Variants in FARP1 observed in about 807,000 individuals in gnomAD.
The protein encoded by FARP1 is FERM, ARHGEF and pleckstrin domain-containing protein 1.
In FARP1, 52 loss-of-function variants were observed where a neutral mutation model predicts 128.8. The observed-to-expected ratio is 0.40, with a 90% confidence interval of 0.32 to 0.51. The LOEUF (loss-of-function observed/expected upper bound fraction) is 0.51. Among genes scored for constraint, FARP1 ranks in the 20% least tolerant of loss-of-function variants. FARP1 has a pLI of 0.45. For missense variants in FARP1, 1,333 were observed against 1,367.9 expected (o/e 0.97, Z 0.40); for synonymous variants, 580 against 551.8 (o/e 1.05, Z -0.72).
At chr13:98,211,531 C>A (rs766710267) in intron 1 of FARP1, among the ~76,000 whole-genome samples, 1 of 152,222 alleles carries the variant, frequency 6.6e-6, no homozygotes, top group Non-Finnish European at 1.5e-5. Flanking sequence ...GACTTCAAAT[C>A]ATTTCTAAAA....
At chr13:98,259,917 G>GTGTGTA (rs1444418332) in intron 2 of FARP1, among the ~76,000 whole-genome samples, 1 of 151,092 alleles carries the variant, frequency 6.6e-6, no homozygotes, top group African/African-American at 2.5e-5. Context: ...GTGTGTGTGT[G>GTGTGTA]TGTATTGAGA....
rs748217498 is a variant in FARP1 at position 98,431,240 on chromosome 13, A to C, written c.2103A>C (p.Lys701Asn). Reference sequence around the variant, plus strand: ...AGCAGGTCCTGGAGCGGCTGTGCAAACACCACCCGCCGAGCCACGCCGACT... The same window carrying C: ...AGCAGGTCCTGGAGCGGCTGTGCAACCACCACCCGCCGAGCCACGCCGACT... Reference protein sequence around the residue: ...HYKQVLERLCKHHPPSHADFR... With the variant: ...HYKQVLERLCNHHPPSHADFR... The change falls in exon 18 of 27, where the codon AAA (lysine) becomes AAC (asparagine). Residue 701 changes from lysine (K) to asparagine (N), a missense_variant. Lys to Asn is a moderately conservative substitution (Grantham distance 94). Around this residue, in one of 2 missense-constraint regions of FARP1, gnomAD observed 1,009 missense variants for 969.8 expected, o/e 1.04. Transcript: ENST00000319562. The C allele has an allele frequency of 4.5e-6, 7 of 1,569,348 alleles. No individual in the cohort carries two copies. The South Asian group carries it at 8.1e-5, about 18-fold the overall frequency.
chr13:98,295,632 A>G (rs1211999825), intron 2 of FARP1, among the ~76,000 whole-genome samples: 2 of 152,200 alleles, frequency 1.3e-5, no homozygotes, highest in Non-Finnish European at 2.9e-5. Context: ...TGTTCCATAA[A>G]GCATCACCAT....
chr13:98,420,220 C>T (rs1399517310), intron 16 of FARP1, among the ~76,000 whole-genome samples: 1 of 152,142 alleles, frequency 6.6e-6, no homozygotes, highest in African/African-American at 2.4e-5. Context: ...ATTGATTTAT[C>T]CTGGCTGGCT....
intron 2 of FARP1, among the ~76,000 whole-genome samples, chr13:98,284,469 C>T (rs1215781166): frequency 1.3e-5 from 2 of 152,114 alleles, no homozygotes; most frequent in African/African-American, 2.4e-5. Context: ...TCCCCCAACC[C>T]GAGAGCTAGA....
Position 98,431,023 on chromosome 13 carries a change from C to T in FARP1, c.1906-20C>T. Reference sequence around the variant, plus strand: ...TCCCATTCAGCTGAACAGGACCCTCCTCCTCTGTTGCCTCCCAAGCACCTG... The same window carrying T: ...TCCCATTCAGCTGAACAGGACCCTCTTCCTCTGTTGCCTCCCAAGCACCTG... On this transcript the variant is annotated intron_variant, in intron 17 of 26. Transcript: ENST00000319562. 1.3e-6 allele frequency: 2 copies of T among 1,568,800 alleles called. No individual in the cohort carries two copies. The highest frequency in any genetic ancestry group is 1.8e-6 in the Non-Finnish European group (2 of 1,141,570).
chr13:98,295,454 G>A (rs1885645971), intron 2 of FARP1, among the ~76,000 whole-genome samples: 1 of 152,146 alleles, frequency 6.6e-6, no homozygotes, highest in African/African-American at 2.4e-5. Context: ...ATTTAAGGAA[G>A]CTCGCTGGGT....
chr13:98,231,302 T>TAA (rs150635401), intron 2 of FARP1, among the ~76,000 whole-genome samples: 6,089 of 149,152 alleles, frequency 0.041, 383 homozygotes, highest in African/African-American at 0.14. Flanking sequence ...ACAGAGGATG[T>TAA]AAAAAAAAAA....
intron 2 of FARP1, among the ~76,000 whole-genome samples, chr13:98,314,274 C>CTTTTT (rs140938723): frequency 6.0e-4 from 36 of 59,986 alleles, no homozygotes; most frequent in South Asian, 9.0e-4. Flanking sequence ...TATTTTATGT[C>CTTTTT]TTTTTTTTTT....
intron 2 of FARP1, among the ~76,000 whole-genome samples, chr13:98,232,646 T>A (rs1882197803): frequency 6.6e-6 from 1 of 152,242 alleles, no homozygotes; most frequent in South Asian, 2.1e-4. Flanking sequence ...GCACACTTAC[T>A]AGACTACAGT....
intron 2 of FARP1, among the ~76,000 whole-genome samples, chr13:98,326,421 A>G (rs1887234751): frequency 6.6e-6 from 1 of 152,192 alleles, no homozygotes; most frequent in Non-Finnish European, 1.5e-5. Context: ...GAACTTTTTC[A>G]TCCTGCAATC....
In FARP1 at chr13:98,227,215, A is replaced by T. The variant is rs1448206232; in HGVS notation, c.171+13802A>T. Among the ~76,000 whole-genome samples, 7 of 152,090 alleles carry T rather than the reference A, an allele frequency of 4.6e-5. No individual in the cohort carries two copies. In the East Asian group the frequency reaches 9.7e-4, roughly 21 times the overall value. On this transcript the variant is annotated intron_variant, in intron 2 of 26. Coordinates refer to ENST00000319562, the MANE Select transcript of FARP1 (RefSeq NM_005766.4). ...CCTTGGCCTCCCAAAGTGCTGGGAT[A>T]GCAGGCGTGAGCCACCGCGCCCTGG...
intron 2 of FARP1, among the ~76,000 whole-genome samples, chr13:98,314,925 A>T (rs1322201256): frequency 2.0e-5 from 3 of 152,160 alleles, no homozygotes; most frequent in African/African-American, 7.2e-5. Context: ...TGAAGATAGC[A>T]GATGGTTCAA....
intron 2 of FARP1, among the ~76,000 whole-genome samples, chr13:98,265,571 G>A (rs1233295103): frequency 3.3e-5 from 5 of 151,506 alleles, no homozygotes; most frequent in East Asian, 1.9e-4. Context: ...CGCCCGCCTT[G>A]GCCTCCCAAA....
chr13:98,290,054 C>T (rs1160210257), intron 2 of FARP1, among the ~76,000 whole-genome samples: 10 of 136,254 alleles, frequency 7.3e-5, no homozygotes, highest in Admixed American at 7.4e-5. Flanking sequence ...GGAGATTTAT[C>T]TTTTTTTTTT....
chr13:98,201,512 A>T (rs1465241761), intron 1 of FARP1, among the ~76,000 whole-genome samples: 1 of 152,204 alleles, frequency 6.6e-6, no homozygotes, highest in Non-Finnish European at 1.5e-5. Flanking sequence ...AGCAGAGTTC[A>T]GCTGGATTAG....
At chr13:98,169,617 T>G (rs1877511227) in intron 1 of FARP1, among the ~76,000 whole-genome samples, 1 of 152,172 alleles carries the variant, frequency 6.6e-6, no homozygotes, top group African/African-American at 2.4e-5. Context: ...CCTTGATAAT[T>G]TTACTACATA....
intron 16 of FARP1, among the ~76,000 whole-genome samples, chr13:98,421,346 C>T (rs1891585873): frequency 6.6e-6 from 1 of 152,214 alleles, no homozygotes; most frequent in Admixed American, 6.5e-5. Flanking sequence ...CCAGCGTCCT[C>T]TTCCCAGCCC....
intron 1 of FARP1, among the ~76,000 whole-genome samples, chr13:98,155,628 T>G (rs1345254543): frequency 6.6e-6 from 1 of 152,106 alleles, no homozygotes; most frequent in African/African-American, 2.4e-5. Flanking sequence ...AAGTAAGCCT[T>G]CCACTTCAGC....
Sources: gnomAD v4.1 joint callset for allele counts (sites outside exome capture counted in the v4.1 genomes callset) on GRCh38, gnomAD v4.1.1 for gene constraint, gnomAD v4.1.1 regional missense constraint, MANE v1.5 for transcripts, NCBI Gene and HGNC (gene_info 2026-07-23, HGNC 2026-07-21) for gene names.